The following LLGL1 variants were observed in gnomAD, a reference collection of about 807,000 sequenced individuals.
LLGL1 encodes lethal(2) giant larvae protein homolog 1.
Under a neutral mutation model 110.6 loss-of-function variants are expected in LLGL1, and 58 were observed. The observed-to-expected ratio is 0.52, with a 90% confidence interval of 0.42 to 0.65. LLGL1 has a LOEUF of 0.65. LLGL1 is among the 30% of genes least tolerant of loss of function. The pLI is 0.00. For missense variants in LLGL1, 1,229 were observed against 1,462.1 expected (o/e 0.84, Z 2.60); for synonymous variants, 674 against 607.2 (o/e 1.11, Z -1.62).
At chr17:18,235,767 C>T (rs924509994) in intron 11 of LLGL1, 1 of 553,460 alleles carries the variant, frequency 1.8e-6, no homozygotes, top group Non-Finnish European at 3.2e-6. Context: ...AACCCCAGGG[C>T]TCCACCCGCC....
At chr17:18,233,635 C>T (rs2047618724) in intron 4 of LLGL1, 143 bp from the exon 5 acceptor site, 1 of 793,846 alleles carries the variant, frequency 1.3e-6, no homozygotes, top group Admixed American at 2.4e-5. Flanking sequence ...TGATGCATGT[C>T]TTCCTGGGGT....
intron 22 of LLGL1, among the ~76,000 whole-genome samples, chr17:18,243,307 C>G: frequency 6.6e-6 from 1 of 152,186 alleles, no homozygotes; most frequent in Non-Finnish European, 1.5e-5. Flanking sequence ...CGGGGTTTCA[C>G]TGTGTTAGCC....
intron 1 of LLGL1, among the ~76,000 whole-genome samples, chr17:18,227,837 G>T (rs138971117): frequency 6.6e-6 from 1 of 152,334 alleles, no homozygotes; most frequent in East Asian, 1.9e-4. Context: ...AGCAGTGGTG[G>T]AAAGTGGGGT....
At chr17:18,235,820 G>A (rs548631392) in intron 11 of LLGL1, 36 of 477,048 alleles carry the variant, frequency 7.5e-5, no homozygotes, top group African/African-American at 4.5e-4. Flanking sequence ...GCTGGCCCAC[G>A]CTGAGCTGCC....
At chr17:18,243,549 C>T (rs2047903149) in intron 22 of LLGL1, among the ~76,000 whole-genome samples, 1 of 152,246 alleles carries the variant, frequency 6.6e-6, no homozygotes, top group East Asian at 1.9e-4. Flanking sequence ...CTGACTTACC[C>T]CTGCCTGAGT....
Position 18,240,475 on chromosome 17 carries a change from A to C in LLGL1, c.2207-103A>C, listed in dbSNP as rs922131228. The C allele has an allele frequency of 7.5e-7, 1 of 1,332,304 alleles. No individual in the cohort carries two copies. The highest frequency in any genetic ancestry group is 1.0e-6 in the Non-Finnish European group (1 of 985,646). 82.5% of individuals were successfully genotyped at this position (1,332,304 alleles called of 1,614,324 possible). A position where few individuals can be genotyped will look rare whatever the true frequency, so the allele number is the denominator to read the frequency against. On this transcript the variant is annotated intron_variant, in intron 16 of 22. Transcript: ENST00000316843. This position sits in a 1 kb window ranked among gnomAD's most constrained non-coding sequence, Gnocchi z 5.3. ...TCCCAGGGTGTCATAGTTAGGAAGC[A>C]GGGCTACAAGAGAGGCAGGGAGGGA...
chr17:18,233,892 C>T lies in LLGL1; in HGVS notation c.507C>T (p.Thr169=), dbSNP rs773507275. The T allele has an allele frequency of 5.6e-6, 9 of 1,613,440 alleles. No individual in the cohort carries two copies. Among genetic ancestry groups the T allele is most frequent in the East Asian group, 2.2e-5 (1 of 44,892 alleles). ...SVFFLDVTTL[T]LLEGQTLAPG... is the part of the protein sequence containing the mutation. ...TCTTCCTGGATGTTACCACCCTGAC[C>T]CTGCTCGAGGGGCAGACGCTTGCCC... The change falls in exon 5 of 23, where the codon ACC becomes ACT. Residue 169 remains threonine (T), a synonymous_variant. Coordinates refer to ENST00000316843, the MANE Select transcript of LLGL1 (RefSeq NM_004140.4).
intron 20 of LLGL1, 76 bp downstream of exon 20, chr17:18,242,354 C>T: frequency 1.3e-6 from 2 of 1,549,802 alleles, no homozygotes; most frequent in South Asian, 1.1e-5. Context: ...TCACATAGCT[C>T]AGGGATCGGG....
rs199612983 is a variant in LLGL1 at position 18,235,548 on chromosome 17, G to A, written c.1352+11G>A. ...GCTGCTGCTGACGGGGTAGGTGTGC[G>A]TGCTTATGTGGGTGAGTGGGCCCCT... On this transcript the variant is annotated intron_variant, in intron 11 of 22. Transcript: ENST00000316843. 3.7e-5 allele frequency: 59 copies of A among 1,612,140 alleles called. No homozygotes were observed. Among genetic ancestry groups the A allele is most frequent in the East Asian group, 3.6e-4 (16 of 44,866 alleles).
At position 18,225,757 on chromosome 17, in the gene LLGL1, C is replaced by T; in HGVS notation, c.75C>T (p.Phe25=). The T allele has an allele frequency of 2.0e-6, 2 of 1,019,600 alleles. No homozygotes were observed. Among genetic ancestry groups the T allele is most frequent in the East Asian group, 1.0e-4 (1 of 9,816 alleles). The allele number at this position is 1,019,600 out of a possible 1,614,324, so 63.2% of individuals were successfully genotyped here. A position where few individuals can be genotyped will look rare whatever the true frequency, so the allele number is the denominator to read the frequency against. ...REKLKQELFA[F]NKTVEHGFPN... is the part of the protein sequence containing the mutation. ...AGCTCAAGCAGGAGCTTTTCGCCTT[C>T]AACAAGGTGCGGCGGCGGCCCGGGC... Residue 25 remains phenylalanine, a synonymous_variant, in exon 1 of 23, where the codon TTC becomes TTT. Coordinates refer to ENST00000316843, the MANE Select transcript of LLGL1 (RefSeq NM_004140.4).
intron 16 of LLGL1, among the ~76,000 whole-genome samples, chr17:18,239,761 GT>G (rs1176731437): frequency 6.7e-6 from 1 of 150,310 alleles, no homozygotes. Context: ...TTGACTTTTT[GT>G]TTTTTTTGAC....
intron 11 of LLGL1, 182 bp downstream of exon 11, chr17:18,235,719 C>T (rs1401249796): frequency 1.6e-6 from 1 of 611,318 alleles, no homozygotes; most frequent in Non-Finnish European, 2.9e-6. Context: ...CAAGGTGCTG[C>T]CCTGATCTGC....
chr17:18,227,807 G>A (rs142196642), intron 1 of LLGL1, among the ~76,000 whole-genome samples: 9 of 152,204 alleles, frequency 5.9e-5, no homozygotes, highest in Non-Finnish European at 1.2e-4. Flanking sequence ...AGGGCCCTCC[G>A]CTGAGGATGA....
chr17:18,242,237 G>T lies in LLGL1; in HGVS notation c.2954G>T (p.Ser985Ile). ...GTPSILLAPQSLDGSPDPAHS... is the reference protein window; with the variant it reads ...GTPSILLAPQILDGSPDPAHS... ...CCAAGCATCCTGCTGGCCCCACAGA[G>T]CCTTGATGGAAGCCCTGATCCAGCC... The change falls in exon 20 of 23, where the codon AGC becomes ATC. Residue 985 changes from serine (S) to isoleucine (I), a missense_variant. By Grantham distance (142) the Ser-to-Ile change is moderately radical. Coordinates refer to ENST00000316843, the MANE Select transcript of LLGL1 (RefSeq NM_004140.4). The T allele has an allele frequency of 2.5e-6, 4 of 1,614,140 alleles. No individual in the cohort carries two copies. In the South Asian group the frequency reaches 3.3e-5, roughly 13 times the overall value.
Position 18,235,106 on chromosome 17 carries a change from G to C in LLGL1, c.1078G>C (p.Ala360Pro), listed in dbSNP as rs2047662459. The stretch of plus-strand genomic sequence containing the variant: ...TCCCACAGAATTTGATGACCCCCAG[G>C]CCCTGGCTGTGCTGCTGGAAGAGGA... ...RPEDEFDDPQ[A>P]LAVLLEEELV... The change falls in exon 10 of 23, where the codon GCC becomes CCC. Residue 360 changes from alanine (A) to proline (P), a missense_variant. Transcript: ENST00000316843. The C allele has an allele frequency of 6.2e-7, 1 of 1,613,902 alleles. No individual in the cohort carries two copies. Among genetic ancestry groups the C allele is most frequent in the Non-Finnish European group, 8.5e-7 (1 of 1,180,030 alleles).
rs377757279 is a variant in LLGL1 at position 18,240,562 on chromosome 17, C to T, written c.2207-16C>T. 2.9e-5 allele frequency: 45 copies of T among 1,576,174 alleles called. No homozygotes were observed. The African/African-American group carries it at 3.2e-4, about 11-fold the overall frequency. On this transcript the variant is annotated splice_polypyrimidine_tract_variant and intron_variant, in intron 16 of 22. Coordinates refer to ENST00000316843, the MANE Select transcript of LLGL1 (RefSeq NM_004140.4). The surrounding 1 kb of genome is among the most constrained non-coding windows in gnomAD (Gnocchi z 5.3). ...GGCCCACAGGGAGCACCCTCCTACG[C>T]GCTTGTTTTCTGCAGGGGCCCACCA...
chr17:18,225,723 A>C lies in LLGL1; in HGVS notation c.41A>C (p.Gln14Pro). ...FRFRRQGADP[Q>P]REKLKQELFA... ...TTCCGGCGGCAGGGCGCCGACCCGCAGCGCGAGAAGCTCAAGCAGGAGCTT... is the reference window on the plus strand; with the variant it reads ...TTCCGGCGGCAGGGCGCCGACCCGCCGCGCGAGAAGCTCAAGCAGGAGCTT... The change falls in exon 1 of 23, where the codon CAG becomes CCG. Residue 14 changes from glutamine (Q) to proline (P), a missense_variant. By Grantham distance (76) the Gln-to-Pro change is moderately conservative (BLOSUM62 -1). Coordinates refer to ENST00000316843, the MANE Select transcript of LLGL1 (RefSeq NM_004140.4). The C allele has an allele frequency of 6.7e-6, 7 of 1,046,926 alleles. No individual in the cohort carries two copies. Among genetic ancestry groups the C allele is most frequent in the Non-Finnish European group, 8.1e-6 (7 of 859,220 alleles). The allele number at this position is 1,046,926 out of a possible 1,614,324, so 64.9% of individuals were successfully genotyped here. A position where few individuals can be genotyped will look rare whatever the true frequency, so the allele number is the denominator to read the frequency against.
chr17:18,234,239 G>A (rs753632826), intron 6 of LLGL1, 34 bp from the exon 7 acceptor site: 7 of 1,582,314 alleles, frequency 4.4e-6, no homozygotes, highest in Non-Finnish European at 6.0e-6. Flanking sequence ...CATGGCTCAT[G>A]CCTGCCTGCC....
intron 22 of LLGL1, among the ~76,000 whole-genome samples, chr17:18,243,560 CTG>C (rs747091741): frequency 6.6e-6 from 1 of 152,232 alleles, no homozygotes; most frequent in African/African-American, 2.4e-5. Flanking sequence ...CTGCCTGAGT[CTG>C]TGGATCCTCA....
Sources: gnomAD v4.1 joint callset for allele counts (sites outside exome capture counted in the v4.1 genomes callset) on GRCh38, gnomAD v4.1.1 for gene constraint, Gnocchi (gnomAD v3.1) non-coding constraint, MANE v1.5 for transcripts, NCBI Gene and HGNC (gene_info 2026-07-23, HGNC 2026-07-21) for gene names.